Variants in DTNA observed in about 807,000 individuals in gnomAD.
The protein encoded by DTNA is dystrobrevin alpha.
Under a neutral mutation model 100.7 loss-of-function variants are expected in DTNA, and 43 were observed. That is an observed-to-expected ratio of 0.43 (90% CI 0.33 to 0.55). The LOEUF (loss-of-function observed/expected upper bound fraction) is 0.55, where lower values mean the gene tolerates loss of function less well. DTNA is among the 20% of genes least tolerant of loss of function. The probability of loss-of-function intolerance (pLI) is 0.04; values close to 1 mark genes in which losing one functional copy is unlikely to be tolerated. For synonymous variants in DTNA, 349 were observed against 347.9 expected, an observed-to-expected ratio of 1.00 and a Z score of -0.04; for missense variants, 798 against 953.9, an observed-to-expected ratio of 0.84 and a Z score of 2.15.
intron 1 of DTNA, among the ~76,000 whole-genome samples, chr18:34,723,995 C>T (rs2085998811): frequency 6.6e-6 from 1 of 152,082 alleles, no homozygotes; most frequent in Admixed American, 6.6e-5. Context: ...AACTGTGACA[C>T]CTATCAAATG....
chr18:34,728,045 C>T (rs549832599), intron 1 of DTNA, among the ~76,000 whole-genome samples: 22 of 152,106 alleles, frequency 1.4e-4, no homozygotes, highest in African/African-American at 5.1e-4. Context: ...CTTTACTTTC[C>T]TATGTTTTCT....
chr18:34,533,967 A>G (rs981098447), intron 1 of DTNA, among the ~76,000 whole-genome samples: 51 of 152,290 alleles, frequency 3.3e-4, no homozygotes, highest in Admixed American at 3.0e-3. Context: ...TTTTAAGAGA[A>G]TAAGGATTTG....
Position 34,884,767 on chromosome 18 carries a change from C to A in DTNA, c.*22C>A. 6.2e-7 allele frequency: 1 copy of A among 1,614,118 alleles called. No individual in the cohort carries two copies. The highest frequency in any genetic ancestry group is 2.2e-5 in the East Asian group (1 of 44,888). On this transcript the variant is annotated 3_prime_UTR_variant, in exon 22 of 23. Transcript: ENST00000444659. ...TTGAATGCAATATCCTTTTATCACA[C>A]TCCTCTCAAGTAAGTACCATCTTAT...
chr18:34,866,088 T>C (rs750099892), intron 17 of DTNA: 18 of 1,613,578 alleles, frequency 1.1e-5, no homozygotes, highest in Non-Finnish European at 1.3e-5. Context: ...AATCTAACTG[T>C]TATTGATTCA....
intron 1 of DTNA, among the ~76,000 whole-genome samples, chr18:34,617,723 G>T (rs2055604168): frequency 6.6e-6 from 1 of 152,086 alleles, no homozygotes; most frequent in Non-Finnish European, 1.5e-5. Context: ...TACATGTCTG[G>T]TAGAAGTCAG....
intron 1 of DTNA, among the ~76,000 whole-genome samples, chr18:34,612,509 C>T (rs1332793660): frequency 6.6e-6 from 1 of 152,082 alleles, no homozygotes; most frequent in Non-Finnish European, 1.5e-5. Flanking sequence ...CTACCCTCAG[C>T]GGAAGGGGCC....
At chr18:34,846,891 C>T (rs999384568) in intron 13 of DTNA, among the ~76,000 whole-genome samples, 1 of 152,158 alleles carries the variant, frequency 6.6e-6, no homozygotes, top group Non-Finnish European at 1.5e-5. Flanking sequence ...ATTCTTACAA[C>T]CTTAATATTG....
intron 1 of DTNA, among the ~76,000 whole-genome samples, chr18:34,555,255 T>G (rs1340685692): frequency 6.8e-6 from 1 of 146,990 alleles, no homozygotes; most frequent in Non-Finnish European, 1.5e-5. Flanking sequence ...GTCTATTTGA[T>G]TCTTCTCTCT....
At position 34,647,028 on chromosome 18, in the gene DTNA, T is replaced by A. The variant is rs1005361056; in HGVS notation, c.-1-108948T>A. ...CGCGCCTGGCCAGTTTTGTTATTCT[T>A]AAGAGGCTCACAGCCTTCTGAGAGG... is the stretch of plus-strand genomic sequence containing the variant. On this transcript the variant is annotated intron_variant, in intron 1 of 19. Transcript: ENST00000283365. Among the ~76,000 whole-genome samples the A allele has an allele frequency of 3.3e-4, 50 of 150,892 alleles. 1 individual carries two copies. Among genetic ancestry groups the A allele is most frequent in the African/African-American group, 1.2e-3 (48 of 41,060 alleles).
upstream of DTNA, among the ~76,000 whole-genome samples, chr18:34,706,545 A>T (rs956859584): frequency 7.9e-5 from 12 of 152,298 alleles, no homozygotes; most frequent in African/African-American, 2.9e-4. Context: ...AAATTTCCAA[A>T]AATGATATGG....
rs1377770281 is a variant in DTNA, at chr18:34,889,155, T to C, written c.*1421T>C. The stretch of plus-strand genomic sequence containing the variant: ...TTTTTTTAAAAAAGCCTGCGACCTA[T>C]TCAATACATTATGCTTAAATTAGCA... On this transcript the variant is annotated 3_prime_UTR_variant, in exon 23 of 23. Coordinates refer to ENST00000444659, the MANE Select transcript of DTNA (RefSeq NM_001386795.1). The C allele has an allele frequency of 1.0e-6, 1 of 985,258 alleles. No homozygotes were observed. The highest frequency in any genetic ancestry group is 1.7e-5 in the African/African-American group (1 of 57,194). 61.0% of individuals were successfully genotyped at this position (985,258 alleles called of 1,614,324 possible).
At chr18:34,543,561 A>C (rs1284637631) in intron 1 of DTNA, among the ~76,000 whole-genome samples, 4 of 152,116 alleles carry the variant, frequency 2.6e-5, no homozygotes, top group Non-Finnish European at 4.4e-5. Flanking sequence ...CATGTCATCC[A>C]AAAGGAAAAC....
Position 34,888,146 on chromosome 18 carries a change from C to T in DTNA, c.*412C>T. The T allele has an allele frequency of 1.0e-6, 1 of 985,874 alleles. No individual in the cohort carries two copies. Among genetic ancestry groups the T allele is most frequent in the Non-Finnish European group, 1.2e-6 (1 of 829,948 alleles). 61.1% of individuals were successfully genotyped at this position (985,874 alleles called of 1,614,324 possible). Reference sequence around the variant, plus strand: ...GGCAGTATTAACAAGCATTTTAAACCTTTGCACATGATATTGAACCTGTTC... The same window carrying T: ...GGCAGTATTAACAAGCATTTTAAACTTTTGCACATGATATTGAACCTGTTC... On this transcript the variant is annotated 3_prime_UTR_variant, in exon 23 of 23. Coordinates refer to ENST00000444659, the MANE Select transcript of DTNA (RefSeq NM_001386795.1).
rs372895807 is a variant in DTNA, at chr18:34,591,747, A to T, written c.-2+98233A>T. 7.2e-5 allele frequency among the ~76,000 whole-genome samples: 11 copies of T among 152,342 alleles called. No individual in the cohort carries two copies. The South Asian group carries it at 1.0e-3, about 14-fold the overall frequency. ...GAAACTGTCAACTTTGGGGACAAAA[A>T]TAAGGAAAGTTTCTTACTCCTCTGT... On this transcript the variant is annotated intron_variant, in intron 1 of 19. Transcript: ENST00000283365.
chr18:34,679,559 G>A (rs1568200575), intron 1 of DTNA: 1 of 152,172 alleles, frequency 6.6e-6, no homozygotes, highest in South Asian at 2.1e-4. Flanking sequence ...AGATGGTTTT[G>A]AAAAGTTCAT....
intron 1 of DTNA, among the ~76,000 whole-genome samples, chr18:34,529,105 G>T (rs1387469643): frequency 3.3e-5 from 5 of 152,038 alleles, no homozygotes; most frequent in Admixed American, 2.0e-4. Context: ...TCAACATGAG[G>T]AAAAGACGTA....
chr18:34,710,189 A>C (rs538868720), upstream of DTNA: 1 of 152,264 alleles, frequency 6.6e-6, no homozygotes, highest in East Asian at 1.9e-4. Flanking sequence ...GAGGGGAAAA[A>C]AGCAACTTTT....
At chr18:34,609,777 A>G (rs2053872682) in intron 1 of DTNA, among the ~76,000 whole-genome samples, 2 of 152,146 alleles carry the variant, frequency 1.3e-5, no homozygotes, top group African/African-American at 4.8e-5. Context: ...GTTTCTCATC[A>G]TCAAGCAAAT....
chr18:34,746,835 G>A (rs1483111643), intron 1 of DTNA, among the ~76,000 whole-genome samples: 5 of 152,108 alleles, frequency 3.3e-5, no homozygotes, highest in African/African-American at 1.2e-4. Context: ...ATAGTAAGGG[G>A]GAGGTGTGGT....
Sources: gnomAD v4.1 joint callset for allele counts (sites outside exome capture counted in the v4.1 genomes callset) on GRCh38, gnomAD v4.1.1 for gene constraint, MANE v1.5 for transcripts, NCBI Gene and HGNC (gene_info 2026-07-23, HGNC 2026-07-21) for gene names.